Variants in LRIG3 observed in about 807,000 individuals in gnomAD.
The protein encoded by LRIG3 is leucine-rich repeats and immunoglobulin-like domains protein 3.
A neutral mutation model predicts 114.5 loss-of-function variants in LRIG3; 76 were observed. The ratio of observed to expected loss-of-function variants is 0.66; its 90% CI spans 0.55 to 0.80. The LOEUF (loss-of-function observed/expected upper bound fraction) is 0.80. Ranked by LOEUF, LRIG3 falls within the 30% of genes least tolerant of loss-of-function variation. The pLI is 0.00. For missense variants in LRIG3, 1,239 were observed against 1,382.8 expected (o/e 0.90, Z 1.65); for synonymous variants, 512 against 519.8 (o/e 0.98, Z 0.20).
At chr12:58,900,518 C>T (rs768523007) in intron 3 of LRIG3, among the ~76,000 whole-genome samples, 4 of 152,072 alleles carry the variant, frequency 2.6e-5, no homozygotes, top group East Asian at 1.9e-4. Flanking sequence ...CTTAATAGCA[C>T]GCCTTCTATA....
At chr12:58,874,367 A>G (rs1057031337) in intron 17 of LRIG3, 37 bp from the exon 18 acceptor site, 2 of 1,608,708 alleles carry the variant, frequency 1.2e-6, no homozygotes, top group Non-Finnish European at 1.7e-6. Flanking sequence ...AGGAGATTAC[A>G]GTTAGCACAT....
At chr12:58,919,872 G>T in intron 1 of LRIG3, 128 bp downstream of exon 1, 1 of 975,104 alleles carries the variant, frequency 1.0e-6, no homozygotes, top group East Asian at 2.6e-5. Context: ...AGCGCCGATC[G>T]CGGCCTGGGC....
chr12:58,895,836 T>TG (rs1368523642), intron 3 of LRIG3, among the ~76,000 whole-genome samples: 7 of 152,100 alleles, frequency 4.6e-5, no homozygotes, highest in Admixed American at 3.9e-4. Flanking sequence ...GATGCCCACT[T>TG]GGGGGGCGAA....
intron 1 of LRIG3, among the ~76,000 whole-genome samples, chr12:58,917,969 TC>T (rs1872540696): frequency 6.6e-6 from 1 of 152,170 alleles, no homozygotes; most frequent in Non-Finnish European, 1.5e-5. Context: ...TCTGCTCCTT[TC>T]AAAAGTGGAA....
At chr12:58,882,642 C>T (rs1013025937) in intron 12 of LRIG3, among the ~76,000 whole-genome samples, 2 of 152,056 alleles carry the variant, frequency 1.3e-5, no homozygotes, top group African/African-American at 4.8e-5. Flanking sequence ...ATTCTCATTC[C>T]ACCGCACCAT....
At chr12:58,919,615 G>A in intron 1 of LRIG3, 12 of 1,500,810 alleles carry the variant, frequency 8.0e-6, no homozygotes, top group Non-Finnish European at 1.1e-5. Flanking sequence ...ATAACTCAGC[G>A]AGAACTGCAA....
intron 3 of LRIG3, among the ~76,000 whole-genome samples, chr12:58,909,462 T>C (rs1872190359): frequency 6.6e-6 from 1 of 152,198 alleles, no homozygotes; most frequent in Non-Finnish European, 1.5e-5. Context: ...CTCACTAGAA[T>C]GGAAGCCTCA....
chr12:58,908,136 T>C lies in LRIG3; in HGVS notation c.383+5846A>G, dbSNP rs1360405594. ...AGCATCTCCAATACAGAAGGATGCATGATGTGATGGAACCACATCTCGCGG... is the reference window on the plus strand; with the variant it reads ...AGCATCTCCAATACAGAAGGATGCACGATGTGATGGAACCACATCTCGCGG... On this transcript the variant is annotated intron_variant, in intron 3 of 18. Transcript: ENST00000320743. 3.9e-5 allele frequency among the ~76,000 whole-genome samples: 6 copies of C among 152,208 alleles called. 1 individual carries two copies. The highest frequency in any genetic ancestry group is 2.0e-4 in the Admixed American group (3 of 15,276).
In LRIG3 at chr12:58,888,317, A is replaced by C; in HGVS notation, c.947+12T>G. The C allele has an allele frequency of 1.2e-6, 2 of 1,609,750 alleles. No homozygotes were observed. The highest frequency in any genetic ancestry group is 1.7e-6 in the Non-Finnish European group (2 of 1,176,522). ...TCTCAAACCTGAGGAGAATAAATAAAAGGCAACTCACAGCTCACTGAGCTT... is the reference window on the plus strand; with the variant it reads ...TCTCAAACCTGAGGAGAATAAATAACAGGCAACTCACAGCTCACTGAGCTT... On this transcript the variant is annotated intron_variant, in intron 7 of 18. Transcript: ENST00000320743.
At position 58,886,831 on chromosome 12, in the gene LRIG3, C is replaced by A. The variant is rs1219862036; in HGVS notation, c.1151G>T (p.Gly384Val). 1 of 1,613,500 alleles carries A rather than the reference C, an allele frequency of 6.2e-7. No individual in the cohort carries two copies. The highest frequency in any genetic ancestry group is 1.7e-5 in the Admixed American group (1 of 59,978). ...TCACAGTCGCCTCAGTTTGTCAAGC[C>A]CAGAGAAAGCACCATTCATGTCTTC... ...TIEDMNGAFS[G>V]LDKLRRLILQ... is the part of the protein sequence containing the mutation. Residue 384 changes from glycine to valine, a missense_variant, in exon 9 of 19, where the codon GGG becomes GTG. Physicochemically the swap from Gly to Val is moderately radical, Grantham distance 109. Coordinates refer to ENST00000320743, the MANE Select transcript of LRIG3 (RefSeq NM_153377.5).
chr12:58,903,724 T>C (rs1871955041), intron 3 of LRIG3, among the ~76,000 whole-genome samples: 1 of 151,930 alleles, frequency 6.6e-6, no homozygotes, highest in Admixed American at 6.5e-5. Flanking sequence ...CTTTAATCCA[T>C]CTTGAATTAA....
At chr12:58,883,172 C>T in intron 11 of LRIG3, 140 bp from the exon 12 acceptor site, 1 of 786,802 alleles carries the variant, frequency 1.3e-6, no homozygotes, top group Non-Finnish European at 1.9e-6. Flanking sequence ...TCCCACAGTC[C>T]ATTTTAAAAT....
intron 12 of LRIG3, among the ~76,000 whole-genome samples, chr12:58,881,652 C>T (rs954526623): frequency 6.6e-6 from 1 of 152,016 alleles, no homozygotes; most frequent in African/African-American, 2.4e-5. Context: ...CAGCCATGAT[C>T]TAAACCCAGA....
rs1176498584 is a variant in LRIG3 at position 58,880,610 on chromosome 12, T to G, written c.1772A>C (p.Tyr591Ser). Residue 591 changes from tyrosine (Y) to serine (S), a missense_variant, in exon 13 of 19, where the codon TAC (tyrosine) becomes TCC (serine). Transcript: ENST00000320743. Reference sequence around the variant, plus strand: ...TACTGTAAGCTTGGCTTTGACAGAGTAGGATGAACCAAAGTGATTGGAGAT... The same window carrying G: ...TACTGTAAGCTTGGCTTTGACAGAGGAGGATGAACCAAAGTGATTGGAGAT... ...CVISNHFGSS[Y>S]SVKAKLTVNM... is the part of the protein sequence containing the mutation. The G allele has an allele frequency of 1.3e-5, 21 of 1,613,574 alleles. No homozygotes were observed. Among genetic ancestry groups the G allele is most frequent in the Non-Finnish European group, 1.7e-5 (20 of 1,179,712 alleles).
chr12:58,888,501 G>T (rs750064860), intron 6 of LRIG3, 29 bp from the exon 7 acceptor site: 4 of 1,607,846 alleles, frequency 2.5e-6, no homozygotes, highest in Admixed American at 3.3e-5. Context: ...TCAAAAGCAG[G>T]ATCAAAACTT....
chr12:58,920,159 C>T lies in LRIG3; in HGVS notation c.77G>A (p.Arg26Gln). The T allele has an allele frequency of 6.5e-7, 1 of 1,540,664 alleles. No homozygotes were observed. The highest frequency in any genetic ancestry group is 1.2e-5 in the South Asian group (1 of 83,786). Residue 26 changes from arginine to glutamine, a missense_variant, in exon 1 of 19, where the codon CGG becomes CAG. Transcript: ENST00000320743. ...LLCAVLGRAG[R>Q]SDSGGRGELG... ...TTCCCCGCGACCGCCGCTGTCTGAC[C>T]GGCCAGCGCGCCCCAGCACCGCGCA...
At chr12:58,878,560 G>A (rs1011390039) in intron 14 of LRIG3, among the ~76,000 whole-genome samples, 1 of 152,134 alleles carries the variant, frequency 6.6e-6, no homozygotes, top group Non-Finnish European at 1.5e-5. Flanking sequence ...CCCCATAAAA[G>A]GGAAAGCATC....
intron 3 of LRIG3, among the ~76,000 whole-genome samples, chr12:58,902,606 G>A (rs1273030907): frequency 1.3e-5 from 2 of 151,510 alleles, no homozygotes; most frequent in Non-Finnish European, 2.9e-5. Flanking sequence ...AAGTTTTAGG[G>A]TACATGTGCA....
At chr12:58,898,705 G>T (rs1762240239) in intron 3 of LRIG3, among the ~76,000 whole-genome samples, 1 of 151,062 alleles carries the variant, frequency 6.6e-6, no homozygotes, top group Non-Finnish European at 1.5e-5. Flanking sequence ...TGTTGCCACG[G>T]TGGAGTGCAG....
Sources: allele counts gnomAD v4.1 joint callset (sites outside exome capture counted in the v4.1 genomes callset), GRCh38; gene constraint gnomAD v4.1.1; transcripts MANE v1.5; gene names NCBI Gene and HGNC (gene_info 2026-07-23, HGNC 2026-07-21).